HS3ST3A1: variants seen among roughly 807,000 people sequenced by gnomAD.
HS3ST3A1 encodes heparan sulfate glucosamine 3-O-sulfotransferase 3A1.
A neutral mutation model predicts 25.7 loss-of-function variants in HS3ST3A1; 19 were observed. The ratio of observed to expected loss-of-function variants is 0.74; its 90% CI spans 0.52 to 1.08. The LOEUF (loss-of-function observed/expected upper bound fraction) is 1.08. HS3ST3A1 is among the 50% of genes least tolerant of loss of function. The pLI is 0.00. For synonymous variants in HS3ST3A1, 226 were observed against 278.6 expected (o/e 0.81, Z 1.88); for missense variants, 459 against 594.3 (o/e 0.77, Z 2.37).
chr17:13,565,425 C>T (rs756268040), intron 1 of HS3ST3A1, among the ~76,000 whole-genome samples: 7 of 152,176 alleles, frequency 4.6e-5, no homozygotes, highest in Non-Finnish European at 1.0e-4. Flanking sequence ...CCAGCTACTC[C>T]AGAGGCTGAG....
intron 1 of HS3ST3A1, among the ~76,000 whole-genome samples, chr17:13,593,233 C>CA (rs5819419): frequency 0.48 from 49,635 of 103,020 alleles, 12,162 homozygotes; most frequent in East Asian, 0.61. Flanking sequence ...TGTTTGTAGC[C>CA]AAAAAAAAAA....
chr17:13,587,479 A>G (rs192637106), intron 1 of HS3ST3A1, among the ~76,000 whole-genome samples: 200 of 152,280 alleles, frequency 1.3e-3, no homozygotes, highest in Admixed American at 2.1e-3. Context: ...ATAATCTTCA[A>G]AAATCTTTCC....
chr17:13,524,551 A>G (rs1906350519), intron 1 of HS3ST3A1, among the ~76,000 whole-genome samples: 1 of 152,152 alleles, frequency 6.6e-6, no homozygotes, highest in Non-Finnish European at 1.5e-5. Flanking sequence ...CGGCTTAAGC[A>G]TATTTTTGAT....
chr17:13,543,417 A>AT (rs11395087), intron 1 of HS3ST3A1: 69,920 of 163,106 alleles, frequency 0.43, 16,495 homozygotes, highest in African/African-American at 0.66. Context: ...GAGAAAAAAT[A>AT]TTTTTTTTTC....
At chr17:13,595,267 C>T (rs1801939501) in intron 1 of HS3ST3A1, among the ~76,000 whole-genome samples, 1 of 152,200 alleles carries the variant, frequency 6.6e-6, no homozygotes, top group African/African-American at 2.4e-5. Flanking sequence ...GAAAGGCTTC[C>T]ATTCACTAAC....
In HS3ST3A1 at chr17:13,495,659, A is replaced by G. The variant is rs1353721920; in HGVS notation, c.*538T>C. On this transcript the variant is annotated 3_prime_UTR_variant, in exon 2 of 2. Transcript: ENST00000284110. ...CTTTCTGTAAAATGGGGATAATAAT[A>G]TTTACCTATTGTGATCTTATACAAC... is the stretch of plus-strand genomic sequence containing the variant. The G allele has an allele frequency of 6.6e-6, 1 of 152,372 alleles. No individual in the cohort carries two copies. The highest frequency in any genetic ancestry group is 6.5e-5 in the Admixed American group (1 of 15,280). The allele number at this position is 152,372 out of a possible 1,614,324, so 9.4% of individuals were successfully genotyped here.
chr17:13,536,616 C>A (rs957171132), intron 1 of HS3ST3A1, among the ~76,000 whole-genome samples: 8 of 152,322 alleles, frequency 5.3e-5, no homozygotes, highest in African/African-American at 1.9e-4. Context: ...ACGTTTAACA[C>A]CCCTAGGGTG....
chr17:13,555,245 C>T (rs1053168271), intron 1 of HS3ST3A1, among the ~76,000 whole-genome samples: 2 of 152,120 alleles, frequency 1.3e-5, no homozygotes, highest in East Asian at 1.9e-4. Flanking sequence ...GGAAGTCTTT[C>T]GCAAACCCTT....
At chr17:13,566,603 C>G (rs1436851422) in intron 1 of HS3ST3A1, among the ~76,000 whole-genome samples, 2 of 152,166 alleles carry the variant, frequency 1.3e-5, no homozygotes, top group Non-Finnish European at 2.9e-5. Flanking sequence ...GTTGTAAATG[C>G]AGAGGAAAAG....
At chr17:13,600,385 G>A in intron 1 of HS3ST3A1, 146 bp downstream of exon 1, 6 of 1,356,102 alleles carry the variant, frequency 4.4e-6, no homozygotes, top group Non-Finnish European at 5.7e-6. Flanking sequence ...AGAAGGCGGA[G>A]AGGGAAGAAA....
intron 1 of HS3ST3A1, among the ~76,000 whole-genome samples, chr17:13,593,185 T>G (rs759368157): frequency 1.1e-4 from 16 of 145,944 alleles, no homozygotes; most frequent in Non-Finnish European, 1.9e-4. Flanking sequence ...CTATTTTCCC[T>G]ATAACCAGCT....
At chr17:13,500,697 A>T (rs985995804) in intron 1 of HS3ST3A1, among the ~76,000 whole-genome samples, 4 of 152,202 alleles carry the variant, frequency 2.6e-5, no homozygotes, top group Non-Finnish European at 4.4e-5. Context: ...ATGGGTTGAG[A>T]CCAACACTAT....
chr17:13,515,490 T>TTC (rs1227178271), intron 1 of HS3ST3A1, among the ~76,000 whole-genome samples: 2 of 151,206 alleles, frequency 1.3e-5, no homozygotes, highest in Non-Finnish European at 2.9e-5. Flanking sequence ...TTTTTTTTTT[T>TTC]TTTGCTGAAT....
At chr17:13,571,942 T>C (rs1039295188) in intron 1 of HS3ST3A1, among the ~76,000 whole-genome samples, 2 of 152,108 alleles carry the variant, frequency 1.3e-5, no homozygotes, top group Non-Finnish European at 2.9e-5. Flanking sequence ...GTATTTTTAG[T>C]ACAGACGGGG....
chr17:13,556,629 G>A lies in HS3ST3A1; in HGVS notation c.599+43902C>T, dbSNP rs181264787. Among the ~76,000 whole-genome samples the A allele has an allele frequency of 5.4e-3, 826 of 151,870 alleles. 10 individuals carry two copies. The highest frequency in any genetic ancestry group is 0.018 in the African/African-American group (763 of 41,426). Reference sequence around the variant, plus strand: ...AGCACTTTGGGAGGCCGAGTCAGGCGGATCACGAGGTCAGGAGTTCGAGAC... The same window carrying A: ...AGCACTTTGGGAGGCCGAGTCAGGCAGATCACGAGGTCAGGAGTTCGAGAC... On this transcript the variant is annotated intron_variant, in intron 1 of 1. Transcript: ENST00000284110.
chr17:13,533,991 C>T (rs1038672436), intron 1 of HS3ST3A1, among the ~76,000 whole-genome samples: 6 of 152,110 alleles, frequency 3.9e-5, no homozygotes, highest in African/African-American at 1.2e-4. Context: ...TGGGTACTTT[C>T]GTTTGTCTCA....
chr17:13,584,004 G>T (rs1567629836), intron 1 of HS3ST3A1, among the ~76,000 whole-genome samples: 1 of 152,174 alleles, frequency 6.6e-6, no homozygotes, highest in Non-Finnish European at 1.5e-5. Context: ...GAAGAAAAAG[G>T]AAAGTATTGA....
At chr17:13,521,551 T>C (rs1286225013) in intron 1 of HS3ST3A1, among the ~76,000 whole-genome samples, 1 of 152,204 alleles carries the variant, frequency 6.6e-6, no homozygotes, top group Admixed American at 6.5e-5. Context: ...TCCGCTTTCA[T>C]GGACACTTAG....
intron 1 of HS3ST3A1, among the ~76,000 whole-genome samples, chr17:13,546,323 C>T (rs3785706): frequency 0.88 from 133,476 of 152,138 alleles, 58,849 homozygotes; most frequent in African/African-American, 0.96. Context: ...TGGAGTGCAG[C>T]GGCGTGATCT....
Sources: gnomAD v4.1 joint callset for allele counts (sites outside exome capture counted in the v4.1 genomes callset) on GRCh38, gnomAD v4.1.1 for gene constraint, MANE v1.5 for transcripts, NCBI Gene and HGNC (gene_info 2026-07-23, HGNC 2026-07-21) for gene names.